The following CCS variants were observed in gnomAD, a reference collection of about 807,000 sequenced individuals.
CCS encodes superoxide dismutase copper chaperone.
A neutral mutation model predicts 35.5 loss-of-function variants in CCS; 32 were observed. That is an observed-to-expected ratio of 0.90 (90% CI 0.68 to 1.21). The LOEUF (loss-of-function observed/expected upper bound fraction) is 1.21. Among genes scored for constraint, CCS ranks in the 50% most tolerant of loss-of-function variants. CCS has a pLI of 0.00. For missense variants in CCS, 342 were observed against 375.4 expected, an observed-to-expected ratio of 0.91 and a Z score of 0.73; for synonymous variants, 130 against 147.2, an observed-to-expected ratio of 0.88 and a Z score of 0.84.
rs1296016876 is a variant in CCS, at chr11:66,600,320, C to T, written c.429-169C>T. On this transcript the variant is annotated intron_variant, in intron 4 of 7. Transcript: ENST00000533244. ...AGCCAGAAGCTTATTCAGGACAGGA[C>T]CCATGTCTGATTCTTCTCGGTGCCC... 3 of 425,742 alleles carry T rather than the reference C, an allele frequency of 7.0e-6. No individual in the cohort carries two copies. In the Admixed American group the frequency reaches 1.3e-4, roughly 19 times the overall value. 26.4% of individuals were successfully genotyped at this position (425,742 alleles called of 1,614,324 possible).
Position 66,605,724 on chromosome 11 carries a change from C to A in CCS, c.694C>A (p.Arg232Ser). 1.9e-6 allele frequency: 3 copies of A among 1,592,644 alleles called. No individual in the cohort carries two copies. Among genetic ancestry groups the A allele is most frequent in the Non-Finnish European group, 2.6e-6 (3 of 1,169,124 alleles). The change falls in exon 8 of 8, where the codon CGC becomes AGC. Residue 232 changes from arginine to serine, a missense_variant. By Grantham distance (110) the Arg-to-Ser change is moderately radical. Transcript: ENST00000533244. ...CAGGTTGGCCTGTGGCATCATTGCA[C>A]GCTCCGCTGGCCTTTTCCAGAACCC... ...GERLACGIIA[R>S]SAGLFQNPKQ...
chr11:66,603,714 C>T (rs1162049428), intron 5 of CCS, among the ~76,000 whole-genome samples: 3 of 152,132 alleles, frequency 2.0e-5, no homozygotes, highest in Non-Finnish European at 4.4e-5. Flanking sequence ...GGCGTGGTGG[C>T]GGGCGCCTGT....
chr11:66,598,327 C>G (rs748946153), intron 2 of CCS, among the ~76,000 whole-genome samples: 1 of 150,388 alleles, frequency 6.6e-6, no homozygotes, highest in African/African-American at 2.4e-5. Context: ...CATGGTGAAA[C>G]CCCATGTCTA....
chr11:66,605,860 G>A lies in CCS; in HGVS notation c.*5G>A. Reference sequence around the variant, plus strand: ...CAGCCCCCTGCCCACCTTTGAGCAGGACCTCACCTTGGCTCTGTTGCTGTC... The same window carrying A: ...CAGCCCCCTGCCCACCTTTGAGCAGAACCTCACCTTGGCTCTGTTGCTGTC... On this transcript the variant is annotated 3_prime_UTR_variant, in exon 8 of 8. Coordinates refer to ENST00000533244, the MANE Select transcript of CCS (RefSeq NM_005125.2). 1 of 1,522,416 alleles carries A rather than the reference G, an allele frequency of 6.6e-7. No individual in the cohort carries two copies. The highest frequency in any genetic ancestry group is 8.8e-7 in the Non-Finnish European group (1 of 1,135,632). The allele number at this position is 1,522,416 out of a possible 1,614,324, so 94.3% of individuals were successfully genotyped here. A position where few individuals can be genotyped will look rare whatever the true frequency, so the allele number is the denominator to read the frequency against.
chr11:66,593,723 A>C lies in CCS; in HGVS notation c.112+9A>C. On this transcript the variant is annotated intron_variant, in intron 2 of 7. Coordinates refer to ENST00000533244, the MANE Select transcript of CCS (RefSeq NM_005125.2). ...CCTGCAAGGGGTGGCAGGTAAGAACAGGGTAAACTTTTCTGCAGACAGTCC... is the reference window on the plus strand; with the variant it reads ...CCTGCAAGGGGTGGCAGGTAAGAACCGGGTAAACTTTTCTGCAGACAGTCC... 6.2e-7 allele frequency: 1 copy of C among 1,613,886 alleles called. No individual in the cohort carries two copies. Among genetic ancestry groups the C allele is most frequent in the South Asian group, 1.1e-5 (1 of 91,080 alleles).
At chr11:66,601,060 T>A (rs1858564481) in intron 5 of CCS, among the ~76,000 whole-genome samples, 1 of 152,338 alleles carries the variant, frequency 6.6e-6, no homozygotes, top group Admixed American at 6.5e-5. Flanking sequence ...ATCTGAGTAC[T>A]AGTTGTATTT....
At chr11:66,602,308 G>C (rs1858584110) in intron 5 of CCS, among the ~76,000 whole-genome samples, 1 of 152,196 alleles carries the variant, frequency 6.6e-6, no homozygotes, top group African/African-American at 2.4e-5. Flanking sequence ...GGGAGAATCT[G>C]CTTCCAGGTT....
In CCS at chr11:66,593,651, G is replaced by C; in HGVS notation, c.49G>C (p.Ala17Pro). ...CCTGCCGCCCTTGCAGTTGGAGTTC[G>C]CGGTGCAGATGACCTGTCAGAGCTG... ...NQGTLCTLEF[A>P]VQMTCQSCVD... The change falls in exon 2 of 8, where the codon GCG (alanine) becomes CCG (proline). Residue 17 changes from alanine (A) to proline (P), a missense_variant. Coordinates refer to ENST00000533244, the MANE Select transcript of CCS (RefSeq NM_005125.2). 2 of 1,613,858 alleles carry C rather than the reference G, an allele frequency of 1.2e-6. No homozygotes were observed. Among genetic ancestry groups the C allele is most frequent in the Non-Finnish European group, 1.7e-6 (2 of 1,179,988 alleles).
At chr11:66,601,410 A>G (rs1033548483) in intron 5 of CCS, among the ~76,000 whole-genome samples, 1 of 151,954 alleles carries the variant, frequency 6.6e-6, no homozygotes, top group Admixed American at 6.6e-5. Flanking sequence ...GCTATTTTCT[A>G]TCTTGATGGG....
At chr11:66,603,159 C>T (rs1590831205) in intron 5 of CCS, among the ~76,000 whole-genome samples, 1 of 152,136 alleles carries the variant, frequency 6.6e-6, no homozygotes, top group Non-Finnish European at 1.5e-5. Flanking sequence ...TTCAATACCC[C>T]ACTCCCCCTG....
intron 5 of CCS, among the ~76,000 whole-genome samples, chr11:66,603,855 AAAC>A (rs979673130): frequency 6.6e-6 from 1 of 150,772 alleles, no homozygotes; most frequent in African/African-American, 2.4e-5. Context: ...CAACAAAACA[AAAC>A]AAAACAAAAC....
intron 2 of CCS, among the ~76,000 whole-genome samples, chr11:66,594,774 C>CAA (rs992030660): frequency 9.9e-4 from 64 of 64,828 alleles, no homozygotes; most frequent in South Asian, 1.6e-3. Flanking sequence ...GACCCTCTCT[C>CAA]AAAAAAAAAA....
chr11:66,596,835 T>C (rs1328380901), intron 2 of CCS, among the ~76,000 whole-genome samples: 1 of 152,214 alleles, frequency 6.6e-6, no homozygotes, highest in African/African-American at 2.4e-5. Context: ...GGTGTGGTCC[T>C]AACCCAGCTT....
At chr11:66,601,907 T>A (rs1050355542) in intron 5 of CCS, among the ~76,000 whole-genome samples, 11 of 152,246 alleles carry the variant, frequency 7.2e-5, no homozygotes, top group Non-Finnish European at 1.5e-4. Context: ...TTCTTTTTTT[T>A]ATTTTTAGTA....
Position 66,599,206 on chromosome 11 carries a change from G to C in CCS, c.203G>C (p.Gly68Ala). 1 of 1,613,392 alleles carries C rather than the reference G, an allele frequency of 6.2e-7. No homozygotes were observed. The highest frequency in any genetic ancestry group is 1.1e-5 in the South Asian group (1 of 91,026). The change falls in exon 3 of 8, where the codon GGC becomes GCC. Residue 68 changes from glycine (G) to alanine (A), a missense_variant. Gly to Ala is a moderately conservative substitution (Grantham distance 60, BLOSUM62 0). Transcript: ENST00000533244. ...PSQEVQALLE[G>A]TGRQAVLKGM... ...CAGGAGGTGCAGGCTCTCCTGGAAG[G>C]CACGGGGCGGCAGGCGGTACTCAAG...
At chr11:66,604,303 C>T (rs1858619214) in intron 5 of CCS, among the ~76,000 whole-genome samples, 1 of 152,176 alleles carries the variant, frequency 6.6e-6, no homozygotes, top group African/African-American at 2.4e-5. Context: ...GATCTTTCTA[C>T]TGTTCAAATC....
chr11:66,605,895 G>A lies in CCS; in HGVS notation c.*40G>A, dbSNP rs773363948. 2.4e-5 allele frequency: 36 copies of A among 1,470,588 alleles called. No homozygotes were observed. Among genetic ancestry groups the A allele is most frequent in the Non-Finnish European group, 2.9e-5 (32 of 1,112,996 alleles). The allele number at this position is 1,470,588 out of a possible 1,614,324, so 91.1% of individuals were successfully genotyped here. ...TGGCTCTGTTGCTGTCCTCCAGGGC[G>A]AGCACTTTCCACTTCCAGAGGGGGC... On this transcript the variant is annotated 3_prime_UTR_variant, in exon 8 of 8. Transcript: ENST00000533244.
intron 5 of CCS, 162 bp from the exon 6 acceptor site, chr11:66,605,177 G>T (rs1190534827): frequency 5.9e-6 from 9 of 1,537,836 alleles, no homozygotes; most frequent in Non-Finnish European, 6.1e-6. Flanking sequence ...GACCTTGCCT[G>T]CCCAGTCCTT....
rs1232666141 is a variant in CCS at position 66,605,852 on chromosome 11, T to C, written c.822T>C (p.Leu274=). ...RKESAQPPAH[L] The stretch of plus-strand genomic sequence containing the variant: ...AGTCAGCGCAGCCCCCTGCCCACCT[T>C]TGAGCAGGACCTCACCTTGGCTCTG... The change falls in exon 8 of 8, where the codon CTT becomes CTC. Residue 274 remains leucine, a synonymous_variant. Transcript: ENST00000533244. 19 of 1,535,908 alleles carry C rather than the reference T, an allele frequency of 1.2e-5. No homozygotes were observed. Among genetic ancestry groups the C allele is most frequent in the Non-Finnish European group, 1.7e-5 (19 of 1,141,712 alleles).
Sources: gnomAD v4.1 joint callset for allele counts (sites outside exome capture counted in the v4.1 genomes callset) on GRCh38, gnomAD v4.1.1 for gene constraint, MANE v1.5 for transcripts, NCBI Gene and HGNC (gene_info 2026-07-23, HGNC 2026-07-21) for gene names.